The following ENTHD1 variants were observed in gnomAD, a reference collection of about 807,000 sequenced individuals.
ENTHD1 encodes the protein ENTH domain containing 1.
A neutral mutation model predicts 39.1 loss-of-function variants in ENTHD1; 23 were observed. That is an observed-to-expected ratio of 0.59 (90% confidence interval 0.42 to 0.83). The LOEUF is 0.83. Ranked by LOEUF, ENTHD1 falls within the 40% of genes least tolerant of loss-of-function variation. The pLI is 0.00. For synonymous variants in ENTHD1, 230 were observed against 258.2 expected (o/e 0.89, Z 1.05); for missense variants, 624 against 705.4 (o/e 0.88, Z 1.31).
chr22:39,875,140 A>T, intron 2 of ENTHD1: 1 of 452,160 alleles, frequency 2.2e-6, no homozygotes, highest in Non-Finnish European at 3.5e-6. Context: ...ACTCAGCAAT[A>T]AAAACAAATG....
intron 5 of ENTHD1, among the ~76,000 whole-genome samples, chr22:39,811,916 T>G (rs1426117953): frequency 6.6e-6 from 1 of 151,862 alleles, no homozygotes; most frequent in East Asian, 1.9e-4. Flanking sequence ...GAGGCGCAGC[T>G]TGCAGTGAGC....
Position 39,786,163 on chromosome 22 carries a change from C to T in ENTHD1, c.833-20554G>A, listed in dbSNP as rs187035362. ...AAAAAACCCACTCAAGTCCATTCTA[C>T]TCCCTGTCTTCAACTTTTTCTCATT... On this transcript the variant is annotated intron_variant, in intron 5 of 6. Transcript: ENST00000325157. Among the ~76,000 whole-genome samples the T allele has an allele frequency of 1.5e-3, 231 of 152,288 alleles. 1 individual carries two copies. Among genetic ancestry groups the T allele is most frequent in the Non-Finnish European group, 2.8e-3 (192 of 68,016 alleles).
intron 5 of ENTHD1, among the ~76,000 whole-genome samples, chr22:39,813,664 C>T (rs1369211281): frequency 6.6e-6 from 1 of 152,168 alleles, no homozygotes; most frequent in Admixed American, 6.5e-5. Flanking sequence ...TCTAGGAAGT[C>T]CACGATCACA....
chr22:39,873,295 C>G (rs1286649637), intron 2 of ENTHD1, among the ~76,000 whole-genome samples: 1 of 152,054 alleles, frequency 6.6e-6, no homozygotes, highest in Non-Finnish European at 1.5e-5. Flanking sequence ...AATCTATAAT[C>G]CATACAATTC....
At chr22:39,744,321 C>A in intron 6 of ENTHD1, 38 bp from the exon 7 acceptor site, 1 of 1,524,822 alleles carries the variant, frequency 6.6e-7, no homozygotes, top group Non-Finnish European at 8.8e-7. Flanking sequence ...ATTTATGCAA[C>A]ATACAAATGA....
chr22:39,807,059 T>G (rs1305651950), intron 5 of ENTHD1, among the ~76,000 whole-genome samples: 3 of 152,132 alleles, frequency 2.0e-5, no homozygotes, highest in Non-Finnish European at 2.9e-5. Flanking sequence ...CCACACTAAG[T>G]TGTTAGAACT....
intron 6 of ENTHD1, among the ~76,000 whole-genome samples, chr22:39,761,265 C>T (rs759822877): frequency 6.6e-6 from 1 of 152,116 alleles, no homozygotes; most frequent in South Asian, 2.1e-4. Context: ...TTTTCATTGT[C>T]TCCTGGTATA....
chr22:39,823,459 T>A (rs2065798319), intron 4 of ENTHD1, among the ~76,000 whole-genome samples: 1 of 152,048 alleles, frequency 6.6e-6, no homozygotes, highest in Non-Finnish European at 1.5e-5. Flanking sequence ...ATCCTCCCAC[T>A]TCAGCCTCCC....
At chr22:39,813,642 A>G (rs545144064) in intron 5 of ENTHD1, among the ~76,000 whole-genome samples, 3 of 152,314 alleles carry the variant, frequency 2.0e-5, no homozygotes, top group South Asian at 4.1e-4. Context: ...TGTTTAAATC[A>G]TTCTCATTAA....
intron 3 of ENTHD1, among the ~76,000 whole-genome samples, chr22:39,842,584 G>A (rs2065953283): frequency 6.6e-6 from 1 of 152,030 alleles, no homozygotes; most frequent in Non-Finnish European, 1.5e-5. Context: ...AAAAGCAATG[G>A]CAACAAAAGA....
intron 3 of ENTHD1, among the ~76,000 whole-genome samples, chr22:39,843,336 C>A (rs1164642168): frequency 6.6e-6 from 1 of 151,724 alleles, no homozygotes; most frequent in Non-Finnish European, 1.5e-5. Context: ...TGGAAATAAT[C>A]ATTCTCAGTA....
intron 6 of ENTHD1, among the ~76,000 whole-genome samples, chr22:39,752,127 GTATACTA>G (rs1313990976): frequency 3.3e-5 from 5 of 151,358 alleles, no homozygotes; most frequent in East Asian, 3.9e-4. Context: ...ATACTTTTTG[GTATACTA>G]TATACTATAT....
intron 2 of ENTHD1, among the ~76,000 whole-genome samples, chr22:39,873,278 AC>A (rs1227634285): frequency 6.6e-6 from 1 of 152,202 alleles, no homozygotes; most frequent in Non-Finnish European, 1.5e-5. Context: ...AATTAAAAAA[AC>A]ACACAAATCT....
intron 4 of ENTHD1, among the ~76,000 whole-genome samples, chr22:39,833,251 C>T (rs986358526): frequency 6.6e-6 from 1 of 152,048 alleles, no homozygotes; most frequent in Admixed American, 6.5e-5. Flanking sequence ...CCTTCACCTC[C>T]CACTTAAGCT....
At position 39,779,242 on chromosome 22, in the gene ENTHD1, G is replaced by A. The variant is rs146385317; in HGVS notation, c.833-13633C>T. On this transcript the variant is annotated intron_variant, in intron 5 of 6. Coordinates refer to ENST00000325157, the MANE Select transcript of ENTHD1 (RefSeq NM_152512.4). ...TGAGGCAGGAGAACTGCTTGAACCC[G>A]GGAGGCAAAGGTTGCAGTGAACCAG... Among the ~76,000 whole-genome samples, 513 of 152,114 alleles carry A rather than the reference G, an allele frequency of 3.4e-3. 10 individuals are homozygous for A. The highest frequency in any genetic ancestry group is 0.011 in the African/African-American group (462 of 41,510).
chr22:39,756,316 TCACA>T (rs924008247), intron 6 of ENTHD1, among the ~76,000 whole-genome samples: 2 of 138,012 alleles, frequency 1.4e-5, no homozygotes, highest in African/African-American at 5.5e-5. Flanking sequence ...TCTCTCTCTC[TCACA>T]CACACACACA....
chr22:39,788,813 C>T (rs2065480781), intron 5 of ENTHD1, among the ~76,000 whole-genome samples: 1 of 152,064 alleles, frequency 6.6e-6, no homozygotes, highest in Admixed American at 6.6e-5. Flanking sequence ...GCAGCATCAA[C>T]ATGGAGGAAA....
chr22:39,853,551 A>G (rs1192713930), intron 3 of ENTHD1, among the ~76,000 whole-genome samples: 2 of 152,072 alleles, frequency 1.3e-5, no homozygotes, highest in Non-Finnish European at 2.9e-5. Context: ...ACAACAAAAA[A>G]AACCAAAACA....
chr22:39,852,999 G>A (rs1345437506), intron 3 of ENTHD1, among the ~76,000 whole-genome samples: 1 of 152,138 alleles, frequency 6.6e-6, no homozygotes, highest in African/African-American at 2.4e-5. Context: ...CATGTGGCAA[G>A]GCAACCAAGC....
Sources: gnomAD v4.1 joint callset for allele counts (sites outside exome capture counted in the v4.1 genomes callset) on GRCh38, gnomAD v4.1.1 for gene constraint, MANE v1.5 for transcripts, NCBI Gene and HGNC (gene_info 2026-07-23, HGNC 2026-07-21) for gene names.